The following LRRC8D variants were observed in gnomAD, a reference collection of about 807,000 sequenced individuals.
LRRC8D encodes the protein leucine rich repeat containing 8 VRAC subunit D.
LRRC8D carries 20 observed loss-of-function variants against 55.8 expected under a neutral mutation model. That is an observed-to-expected ratio of 0.36 (90% confidence interval 0.25 to 0.52). The LOEUF (loss-of-function observed/expected upper bound fraction) is 0.52. Ranked by LOEUF, LRRC8D falls within the 20% of genes least tolerant of loss-of-function variation. The pLI is 0.93. For synonymous variants in LRRC8D, 352 were observed against 377.0 expected (o/e 0.93, Z 0.77); for missense variants, 651 against 1,030.8 (o/e 0.63, Z 5.05).
chr1:89,876,938 G>T (rs1476423476), intron 2 of LRRC8D, among the ~76,000 whole-genome samples: 1 of 152,240 alleles, frequency 6.6e-6, no homozygotes, highest in Admixed American at 6.5e-5. Context: ...TGGATAGTGA[G>T]CACATGAAGT....
Position 89,935,845 on chromosome 1 carries a change from C to A in LRRC8D, c.*200C>A. The A allele has an allele frequency of 2.3e-6, 1 of 438,054 alleles. No homozygotes were observed. 27.1% of individuals were successfully genotyped at this position (438,054 alleles called of 1,614,324 possible). On this transcript the variant is annotated 3_prime_UTR_variant, in exon 3 of 3. Coordinates refer to ENST00000337338, the MANE Select transcript of LRRC8D (RefSeq NM_001134479.2). Reference sequence around the variant, plus strand: ...GGTTTTAAGTCATTCATTTCCAAATCATTTTTTTTTTTCTTTTGGGGAAAG... The same window carrying A: ...GGTTTTAAGTCATTCATTTCCAAATAATTTTTTTTTTTCTTTTGGGGAAAG...
intron 1 of LRRC8D, among the ~76,000 whole-genome samples, chr1:89,832,533 T>G (rs1002894346): frequency 3.3e-5 from 5 of 152,254 alleles, no homozygotes; most frequent in Non-Finnish European, 7.3e-5. Flanking sequence ...TTCTATTTGT[T>G]ACTTTAGTGC....
Position 89,843,655 on chromosome 1 carries a change from A to G in LRRC8D, c.-130A>G, listed in dbSNP as rs1480474776. 10 of 702,372 alleles carry G rather than the reference A, an allele frequency of 1.4e-5. No individual in the cohort carries two copies. The highest frequency in any genetic ancestry group is 5.2e-5 in the African/African-American group (3 of 57,350). The allele number at this position is 702,372 out of a possible 1,614,324, so 43.5% of individuals were successfully genotyped here. ...TCAAACAGGAAGTGCACGGCTGTCT[A>G]TAACGTGCTGCCGGGTCTCAGGATG... On this transcript the variant is annotated 5_prime_UTR_variant, in exon 2 of 3. Coordinates refer to ENST00000337338, the MANE Select transcript of LRRC8D (RefSeq NM_001134479.2).
chr1:89,851,303 T>TACAG (rs1024812240), intron 2 of LRRC8D, among the ~76,000 whole-genome samples: 5 of 152,162 alleles, frequency 3.3e-5, no homozygotes, highest in African/African-American at 9.7e-5. Context: ...GTCTCTTAAT[T>TACAG]ACAGATGTCT....
chr1:89,859,440 C>T (rs746538550), intron 2 of LRRC8D, among the ~76,000 whole-genome samples: 3 of 151,926 alleles, frequency 2.0e-5, no homozygotes, highest in Admixed American at 6.6e-5. Context: ...TTTAACTTGT[C>T]GAAATTGTTG....
rs142974108 is a variant in LRRC8D, at chr1:89,827,149, G to A, written c.-148+5858G>A. Among the ~76,000 whole-genome samples the A allele has an allele frequency of 3.0e-3, 451 of 152,082 alleles. 2 individuals carry two copies. Among genetic ancestry groups the A allele is most frequent in the African/African-American group, 0.01 (420 of 41,496 alleles). Reference sequence around the variant, plus strand: ...GCAGATCACCTAAGGTCAGGAATTCGAGACCAGCCTGGCCAACCTGGTGAA... The same window carrying A: ...GCAGATCACCTAAGGTCAGGAATTCAAGACCAGCCTGGCCAACCTGGTGAA... On this transcript the variant is annotated intron_variant, in intron 1 of 2. Transcript: ENST00000337338.
intron 2 of LRRC8D, among the ~76,000 whole-genome samples, chr1:89,884,036 A>G (rs190646160): frequency 6.6e-6 from 1 of 152,348 alleles, no homozygotes; most frequent in East Asian, 1.9e-4. Context: ...TAAAGTTTAT[A>G]AGAAAGCAAA....
chr1:89,906,347 G>A (rs988273179), intron 2 of LRRC8D, among the ~76,000 whole-genome samples: 1 of 152,172 alleles, frequency 6.6e-6, no homozygotes, highest in South Asian at 2.1e-4. Context: ...ACAGAAGCTC[G>A]AGCATCGCTG....
chr1:89,908,679 CAG>C (rs1663055663), intron 2 of LRRC8D, among the ~76,000 whole-genome samples: 2 of 152,216 alleles, frequency 1.3e-5, no homozygotes, highest in African/African-American at 4.8e-5. Context: ...GGCTTAGACA[CAG>C]AATGCTTTAT....
At chr1:89,906,634 G>T (rs1663000741) in intron 2 of LRRC8D, among the ~76,000 whole-genome samples, 1 of 152,122 alleles carries the variant, frequency 6.6e-6, no homozygotes, top group Admixed American at 6.5e-5. Flanking sequence ...TGTCACCCAG[G>T]ACCCAAGGCT....
chr1:89,832,578 T>C (rs2100713092), intron 1 of LRRC8D, among the ~76,000 whole-genome samples: 1 of 152,334 alleles, frequency 6.6e-6, no homozygotes, highest in East Asian at 1.9e-4. Flanking sequence ...TTCCCCCTTA[T>C]GGAAACCATT....
intron 2 of LRRC8D, among the ~76,000 whole-genome samples, chr1:89,868,227 T>G (rs1361693417): frequency 6.6e-6 from 1 of 152,204 alleles, no homozygotes; most frequent in Non-Finnish European, 1.5e-5. Context: ...AAAATATTTA[T>G]TCTGGGTTTT....
At chr1:89,904,409 G>A (rs1662941667) in intron 2 of LRRC8D, among the ~76,000 whole-genome samples, 1 of 152,216 alleles carries the variant, frequency 6.6e-6, no homozygotes, top group South Asian at 2.1e-4. Context: ...TGGTTCCTGG[G>A]CTGTGCCTTT....
In LRRC8D at chr1:89,935,306, A is replaced by G; in HGVS notation, c.2238A>G (p.Ile746Met). Reference sequence around the variant, plus strand: ...ACAACAACATTTCAATGATTCCAATAGAAATAGGATTGCTTCAGAACCTGC... The same window carrying G: ...ACAACAACATTTCAATGATTCCAATGGAAATAGGATTGCTTCAGAACCTGC... ...VSYNNISMIP[I>M]EIGLLQNLQH... The change falls in exon 3 of 3, where the codon ATA becomes ATG. Residue 746 changes from isoleucine (I) to methionine (M), a missense_variant. Ile to Met is a conservative substitution (Grantham distance 10, BLOSUM62 1). Transcript: ENST00000337338. 6.2e-7 allele frequency: 1 copy of G among 1,614,122 alleles called. No individual in the cohort carries two copies. Among genetic ancestry groups the G allele is most frequent in the Non-Finnish European group, 8.5e-7 (1 of 1,179,914 alleles).
At chr1:89,861,490 T>C (rs891033939) in intron 2 of LRRC8D, among the ~76,000 whole-genome samples, 2 of 152,228 alleles carry the variant, frequency 1.3e-5, no homozygotes, top group African/African-American at 4.8e-5. Context: ...TCACCTTGTA[T>C]TGTCCTCTTC....
intron 2 of LRRC8D, among the ~76,000 whole-genome samples, chr1:89,897,155 A>G (rs1453022414): frequency 6.6e-6 from 1 of 152,224 alleles, no homozygotes; most frequent in Admixed American, 6.5e-5. Context: ...CTATTGATGT[A>G]TGTACATCTC....
chr1:89,826,728 G>A (rs1356699844), intron 1 of LRRC8D, among the ~76,000 whole-genome samples: 2 of 152,100 alleles, frequency 1.3e-5, no homozygotes, highest in African/African-American at 2.4e-5. Context: ...GGGGTCCCTC[G>A]GGTCTTATTT....
intron 1 of LRRC8D, among the ~76,000 whole-genome samples, chr1:89,823,162 T>G (rs1660680857): frequency 1.3e-5 from 2 of 152,186 alleles, no homozygotes; most frequent in Non-Finnish European, 2.9e-5. Flanking sequence ...CCTAACAGAT[T>G]AGAAGGTTGG....
chr1:89,858,580 A>G (rs1033369747), intron 2 of LRRC8D, among the ~76,000 whole-genome samples: 1 of 152,222 alleles, frequency 6.6e-6, no homozygotes, highest in Non-Finnish European at 1.5e-5. Context: ...TTGTCTTAAT[A>G]CTAATGGATC....
Sources: allele counts gnomAD v4.1 joint callset (sites outside exome capture counted in the v4.1 genomes callset), GRCh38; gene constraint gnomAD v4.1.1; transcripts MANE v1.5; gene names NCBI Gene and HGNC (gene_info 2026-07-23, HGNC 2026-07-21).